USH2A: variants seen among roughly 807,000 people sequenced by gnomAD.
USH2A encodes usherin.
In USH2A, 443 loss-of-function variants were observed where a neutral mutation model predicts 538.9. The ratio of observed to expected loss-of-function variants is 0.82; its 90% CI spans 0.76 to 0.89. USH2A has a LOEUF of 0.89. USH2A is among the 40% of genes least tolerant of loss of function. The pLI, the probability that USH2A is intolerant of heterozygous loss-of-function variation, is 0.00. For missense variants in USH2A, 6,633 were observed against 6,324.8 expected (o/e 1.05, Z -1.65); for synonymous variants, 2,413 against 2,273.5 (o/e 1.06, Z -1.75).
At chr1:216,321,093 T>C (rs1335087160) in intron 9 of USH2A, among the ~76,000 whole-genome samples, 1 of 152,168 alleles carries the variant, frequency 6.6e-6, no homozygotes, top group Non-Finnish European at 1.5e-5. Flanking sequence ...CATACATTTT[T>C]GTACATACAA....
chr1:215,814,153 T>C (rs1662790172), intron 48 of USH2A, among the ~76,000 whole-genome samples: 2 of 147,680 alleles, frequency 1.4e-5, no homozygotes, highest in South Asian at 2.1e-4. Context: ...TATAATATAA[T>C]ATGTATTTAA....
intron 58 of USH2A, among the ~76,000 whole-genome samples, chr1:215,757,542 C>T (rs1020832665): frequency 2.0e-5 from 3 of 152,170 alleles, no homozygotes; most frequent in Admixed American, 2.0e-4. Context: ...GGGCGTGTCA[C>T]AATTTCATCT....
At position 216,199,889 on chromosome 1, in the gene USH2A, AAT is replaced by A. The variant is rs397518013; in HGVS notation, c.3547_3548del (p.Ile1183PhefsTer19). On this transcript the variant is annotated frameshift_variant, in exon 17 of 72. Coordinates refer to ENST00000307340, the MANE Select transcript of USH2A (RefSeq NM_206933.4). LOFTEE classifies it high-confidence loss of function. The part of the protein sequence containing the change: ...SNQSGPIEKY[I>X]LSCAPLAGGQ... ...CACCAGCCAAAGGGGCACAGGACAA[AAT>A]ATATTTCTCTATGGGACCAGATTGA... 1.9e-6 allele frequency: 3 copies of A among 1,614,144 alleles called. No individual in the cohort carries two copies. Among genetic ancestry groups the A allele is most frequent in the Non-Finnish European group, 2.5e-6 (3 of 1,179,998 alleles).
At chr1:215,866,567 G>A (rs2092485926) in intron 44 of USH2A, among the ~76,000 whole-genome samples, 2 of 152,170 alleles carry the variant, frequency 1.3e-5, no homozygotes, top group Admixed American at 1.3e-4. Flanking sequence ...TTGCTAATGA[G>A]CGACGAGTTA....
intron 11 of USH2A, among the ~76,000 whole-genome samples, chr1:216,278,366 A>G (rs1232332481): frequency 6.6e-6 from 1 of 152,158 alleles, no homozygotes; most frequent in African/African-American, 2.4e-5. Flanking sequence ...TAACTCCCTC[A>G]ATACTAACCT....
intron 49 of USH2A, among the ~76,000 whole-genome samples, chr1:215,807,758 C>G (rs1489976827): frequency 6.6e-6 from 1 of 152,010 alleles, no homozygotes; most frequent in Non-Finnish European, 1.5e-5. Context: ...CTGGCTATCC[C>G]TTTACATGAT....
At chr1:216,386,116 C>T (rs2038999053) in intron 3 of USH2A, among the ~76,000 whole-genome samples, 1 of 152,144 alleles carries the variant, frequency 6.6e-6, no homozygotes, top group Non-Finnish European at 1.5e-5. Flanking sequence ...CAGTACAGTC[C>T]TGTACATAGT....
At chr1:216,351,231 G>T (rs2038281873) in intron 4 of USH2A, among the ~76,000 whole-genome samples, 1 of 152,150 alleles carries the variant, frequency 6.6e-6, no homozygotes, top group East Asian at 1.9e-4. Context: ...ATACATTAAA[G>T]ATGCTAAGTG....
At chr1:216,308,656 T>A (rs1171670761) in intron 9 of USH2A, among the ~76,000 whole-genome samples, 2 of 152,232 alleles carry the variant, frequency 1.3e-5, no homozygotes, top group Non-Finnish European at 2.9e-5. Context: ...AGAGATGTAT[T>A]AAATTCTTCT....
At chr1:216,174,370 A>G (rs924650135) in intron 21 of USH2A, 3 of 984,340 alleles carry the variant, frequency 3.0e-6, no homozygotes, top group African/African-American at 3.5e-5. Flanking sequence ...GAGTTTTTTT[A>G]CAGCTATATT....
chr1:215,825,044 T>C (rs1180922087), intron 47 of USH2A, among the ~76,000 whole-genome samples: 1 of 152,150 alleles, frequency 6.6e-6, no homozygotes, highest in African/African-American at 2.4e-5. Context: ...TTCTATGTCA[T>C]CATTTTGGAA....
At chr1:216,160,511 T>A (rs1354059202) in intron 21 of USH2A, among the ~76,000 whole-genome samples, 4 of 152,026 alleles carry the variant, frequency 2.6e-5, no homozygotes, top group Non-Finnish European at 5.9e-5. Context: ...GCTCATCACA[T>A]CTGTAATCCT....
intron 26 of USH2A, among the ~76,000 whole-genome samples, chr1:216,083,090 C>T (rs908836641): frequency 4.6e-5 from 7 of 151,882 alleles, no homozygotes; most frequent in Admixed American, 1.3e-4. Context: ...TATTATTATA[C>T]TTGATTATCT....
intron 30 of USH2A, among the ~76,000 whole-genome samples, chr1:216,061,440 C>T (rs1208275685): frequency 3.9e-5 from 6 of 151,940 alleles, no homozygotes; most frequent in Non-Finnish European, 2.9e-5. Flanking sequence ...TATTTCCTAA[C>T]ATTTTTGAGT....
rs188674785 is a variant in USH2A, at chr1:215,671,051, T to A, written c.14054A>T (p.Asn4685Ile). The A allele has an allele frequency of 6.2e-6, 10 of 1,614,164 alleles. No homozygotes were observed. The Admixed American group carries it at 1.0e-4, about 16-fold the overall frequency. Residue 4685 changes from asparagine to isoleucine, a missense_variant, in exon 64 of 72, where the codon AAT becomes ATT. Coordinates refer to ENST00000307340, the MANE Select transcript of USH2A (RefSeq NM_206933.4). Reference protein sequence around the residue: ...RQIATQPRKSNPVLIYNGSST... With the variant: ...RQIATQPRKSIPVLIYNGSST... ...GCTTCCGTTATAGATTAGGACTGGATTGGATTTTCTAGGCTGAGTTGCTAT... is the reference window on the plus strand; with the variant it reads ...GCTTCCGTTATAGATTAGGACTGGAATGGATTTTCTAGGCTGAGTTGCTAT...
chr1:215,876,315 G>A (rs769505441), intron 43 of USH2A, among the ~76,000 whole-genome samples: 12 of 152,224 alleles, frequency 7.9e-5, no homozygotes, highest in South Asian at 2.1e-4. Context: ...TCAGATTTAC[G>A]AGATGCCTCT....
At chr1:215,965,203 TAAAG>T (rs1667308008) in intron 37 of USH2A, 110 bp downstream of exon 37, 10 of 1,238,388 alleles carry the variant, frequency 8.1e-6, no homozygotes, top group Non-Finnish European at 3.4e-6. Flanking sequence ...TTCAGGAAAA[TAAAG>T]AAACCAACAT....
intron 49 of USH2A, among the ~76,000 whole-genome samples, chr1:215,812,140 C>T (rs933882877): frequency 9.3e-5 from 14 of 150,942 alleles, no homozygotes; most frequent in South Asian, 4.3e-4. Flanking sequence ...GCCTGCCACA[C>T]GCCCAGTTAA....
At chr1:215,668,596 A>G (rs1443731077) in intron 64 of USH2A, among the ~76,000 whole-genome samples, 1 of 152,242 alleles carries the variant, frequency 6.6e-6, no homozygotes, top group Admixed American at 6.5e-5. Context: ...AGTAACAGTT[A>G]CAAAAGAAAC....
Sources: allele counts gnomAD v4.1 joint callset (sites outside exome capture counted in the v4.1 genomes callset), GRCh38; gene constraint gnomAD v4.1.1; transcripts MANE v1.5; gene names NCBI Gene and HGNC (gene_info 2026-07-23, HGNC 2026-07-21).